PCDHA13: variants seen among roughly 807,000 people sequenced by gnomAD.
PCDHA13 encodes protocadherin alpha-13.
Under a neutral mutation model 64.8 loss-of-function variants are expected in PCDHA13, and 54 were observed. The ratio of observed to expected loss-of-function variants is 0.83; its 90% CI spans 0.67 to 1.04. PCDHA13 has a LOEUF of 1.04. Ranked by LOEUF, PCDHA13 falls within the 50% of genes least tolerant of loss-of-function variation. The probability of loss-of-function intolerance (pLI) is 0.00; values close to 1 mark genes in which losing one functional copy is unlikely to be tolerated. For synonymous variants in PCDHA13, 587 were observed against 564.4 expected (o/e 1.04, Z -0.57); for missense variants, 1,248 against 1,254.3 (o/e 0.99, Z 0.08).
chr5:140,984,413 C>A lies in PCDHA13; in HGVS notation c.2542+1850C>A, dbSNP rs75063168. Among the ~76,000 whole-genome samples, 1,502 of 152,262 alleles carry A rather than the reference C, an allele frequency of 9.9e-3. 20 individuals carry two copies. Among genetic ancestry groups the A allele is most frequent in the African/African-American group, 0.035 (1,434 of 41,536 alleles). On this transcript the variant is annotated intron_variant, in intron 3 of 3. Transcript: ENST00000289272. ...AAATGTTGAGAACCTATCTTTTTTA[C>A]AGAGATAGAGAAGGGGATCTCCCTT...
intron 3 of PCDHA13, among the ~76,000 whole-genome samples, chr5:140,989,660 G>T (rs1369597923): frequency 6.6e-6 from 1 of 152,180 alleles, no homozygotes; most frequent in Non-Finnish European, 1.5e-5. Context: ...TATTTTAAAA[G>T]AAACTCTGCC....
intron 1 of PCDHA13, among the ~76,000 whole-genome samples, chr5:140,961,425 T>G (rs2095610907): frequency 6.6e-6 from 1 of 152,226 alleles, no homozygotes; most frequent in Admixed American, 6.5e-5. Context: ...TTTAAACAAT[T>G]ACAAAATCAC....
chr5:140,973,126 T>C (rs1554234908), intron 1 of PCDHA13, among the ~76,000 whole-genome samples: 1 of 152,144 alleles, frequency 6.6e-6, no homozygotes, highest in Non-Finnish European at 1.5e-5. Flanking sequence ...ATGAATTAAG[T>C]TTGCATTCAC....
chr5:140,972,754 C>T (rs782389999), intron 1 of PCDHA13, among the ~76,000 whole-genome samples: 1 of 151,316 alleles, frequency 6.6e-6, no homozygotes, highest in African/African-American at 2.4e-5. Flanking sequence ...ACCTCCGCCT[C>T]CCAAGTTAAA....
At chr5:140,966,374 C>A in intron 1 of PCDHA13, 1 of 405,174 alleles carries the variant, frequency 2.5e-6, no homozygotes, top group South Asian at 1.3e-4. Flanking sequence ...GCTGAGCAGT[C>A]CGGGTTCGCT....
intron 3 of PCDHA13, among the ~76,000 whole-genome samples, chr5:141,000,351 GTCTC>G (rs1554257240): frequency 3.0e-5 from 2 of 66,862 alleles, no homozygotes. Flanking sequence ...CTCTCTCTCT[GTCTC>G]TCTCTGTCTC....
chr5:140,910,528 T>A (rs2153515102), intron 1 of PCDHA13, among the ~76,000 whole-genome samples: 1 of 152,314 alleles, frequency 6.6e-6, no homozygotes, highest in African/African-American at 2.4e-5. Flanking sequence ...GGTACTCCCC[T>A]CACAAATCTA....
At chr5:140,888,796 T>C (rs1158691492) in intron 1 of PCDHA13, among the ~76,000 whole-genome samples, 1 of 152,008 alleles carries the variant, frequency 6.6e-6, no homozygotes, top group East Asian at 1.9e-4. Context: ...TCTGGGGAGG[T>C]TGATCAGTGA....
intron 1 of PCDHA13, among the ~76,000 whole-genome samples, chr5:140,903,726 A>G (rs2070539731): frequency 6.6e-6 from 1 of 152,248 alleles, no homozygotes; most frequent in South Asian, 2.1e-4. Context: ...TCTCCCTATT[A>G]TCAATTATTA....
intron 2 of PCDHA13, among the ~76,000 whole-genome samples, chr5:140,979,916 A>C (rs369427870): frequency 4.1e-4 from 63 of 152,376 alleles, no homozygotes; most frequent in African/African-American, 1.4e-3. Context: ...CGTAAAGAGA[A>C]AGCCTACAAA....
intron 1 of PCDHA13, among the ~76,000 whole-genome samples, chr5:140,939,880 G>T (rs2092484713): frequency 6.6e-6 from 1 of 152,140 alleles, no homozygotes; most frequent in African/African-American, 2.4e-5. Context: ...TTTGCTAGTT[G>T]TGTTGTTCAA....
chr5:140,954,652 T>C (rs541171307), intron 1 of PCDHA13, among the ~76,000 whole-genome samples: 24 of 152,356 alleles, frequency 1.6e-4, no homozygotes, highest in African/African-American at 5.8e-4. Flanking sequence ...TTTAAGTTCC[T>C]TGTAGACTCT....
rs377370256 is a variant in PCDHA13 at position 140,966,811 on chromosome 5, G to A, written c.2395-12138G>A. On this transcript the variant is annotated intron_variant, in intron 1 of 3. Transcript: ENST00000289272. ...GACCTGCGGCGACAGAGCATCCACGGCTCCGGCGGCCCATGCCCTGGCTGC... is the reference window on the plus strand; with the variant it reads ...GACCTGCGGCGACAGAGCATCCACGACTCCGGCGGCCCATGCCCTGGCTGC... The A allele has an allele frequency of 1.4e-5, 21 of 1,549,722 alleles. No individual in the cohort carries two copies. The African/African-American group carries it at 2.6e-4, about 19-fold the overall frequency.
intron 1 of PCDHA13, among the ~76,000 whole-genome samples, chr5:140,886,931 G>A (rs1426144437): frequency 6.6e-6 from 1 of 151,756 alleles, no homozygotes; most frequent in Non-Finnish European, 1.5e-5. Context: ...CTATGTGCCA[G>A]GCATGTTCTA....
At chr5:141,006,606 C>T (rs782461917) in intron 3 of PCDHA13, among the ~76,000 whole-genome samples, 3 of 152,112 alleles carry the variant, frequency 2.0e-5, no homozygotes, top group Non-Finnish European at 4.4e-5. Flanking sequence ...TGGAAGCAGA[C>T]TGAATAAGGA....
chr5:140,937,288 C>T (rs1473599964), intron 1 of PCDHA13, among the ~76,000 whole-genome samples: 1 of 152,072 alleles, frequency 6.6e-6, no homozygotes, highest in African/African-American at 2.4e-5. Context: ...TCACCCGCTT[C>T]GGCCTCCCAA....
At chr5:140,924,550 C>T (rs2081897316) in intron 1 of PCDHA13, among the ~76,000 whole-genome samples, 1 of 152,096 alleles carries the variant, frequency 6.6e-6, no homozygotes, top group Non-Finnish European at 1.5e-5. Context: ...CTCTCCCCAC[C>T]ATTTTAATCA....
Position 140,884,585 on chromosome 5 carries a change from A to G in PCDHA13, c.2317A>G (p.Ser773Gly), listed in dbSNP as rs2060279044. 1.9e-6 allele frequency: 3 copies of G among 1,614,072 alleles called. No individual in the cohort carries two copies. The South Asian group carries it at 3.3e-5, about 18-fold the overall frequency. Residue 773 changes from serine (S) to glycine (G), a missense_variant, in exon 1 of 4, where the codon AGT becomes GGT. Ser to Gly is a moderately conservative substitution (Grantham distance 56). Coordinates refer to ENST00000289272, the MANE Select transcript of PCDHA13 (RefSeq NM_018904.3). ...GPHKTDLMAF[S>G]PSLPPCLGSA... ...GCATAAGACGGACCTCATGGCCTTC[A>G]GTCCCAGCCTTCCTCCTTGTCTGGG...
chr5:140,924,907 A>AAT (rs1554202344), intron 1 of PCDHA13, among the ~76,000 whole-genome samples: 14 of 50,940 alleles, frequency 2.7e-4, no homozygotes, highest in African/African-American at 6.9e-4. Context: ...AAAAAAAAAT[A>AAT]AAATAAAATA....
Sources: allele counts gnomAD v4.1 joint callset (sites outside exome capture counted in the v4.1 genomes callset), GRCh38; gene constraint gnomAD v4.1.1; transcripts MANE v1.5; gene names NCBI Gene and HGNC (gene_info 2026-07-23, HGNC 2026-07-21).